NBAS: variants seen among roughly 807,000 people sequenced by gnomAD.
The protein encoded by NBAS is NAG/BC035112 fusion.
Under a neutral mutation model 302.5 loss-of-function variants are expected in NBAS, and 219 were observed. That is an observed-to-expected ratio of 0.72 (90% CI 0.65 to 0.81). NBAS has a LOEUF of 0.81. NBAS is among the 30% of genes least tolerant of loss of function. The pLI is 0.00. For missense variants in NBAS, 2,932 were observed against 2,841.6 expected (o/e 1.03, Z -0.72); for synonymous variants, 1,118 against 1,021.6 (o/e 1.09, Z -1.80).
the NBAS span, among the ~76,000 whole-genome samples, chr2:14,839,120 A>G: frequency 6.6e-6 from 1 of 151,950 alleles, no homozygotes; most frequent in East Asian, 1.9e-4. Flanking sequence ...AATATACAGC[A>G]CCAAGATTAT....
chr2:14,897,739 G>A, the NBAS span, among the ~76,000 whole-genome samples: 1 of 152,084 alleles, frequency 6.6e-6, no homozygotes, highest in South Asian at 2.1e-4. Flanking sequence ...CAGCAAGGAT[G>A]TTGAATTTCT....
the NBAS span, among the ~76,000 whole-genome samples, chr2:14,831,174 G>C: frequency 1.3e-5 from 2 of 148,456 alleles, no homozygotes; most frequent in African/African-American, 2.5e-5. Context: ...TTTTCAAAAT[G>C]AGTCCTAAAC....
chr2:14,876,179 A>G, the NBAS span, among the ~76,000 whole-genome samples: 1 of 152,186 alleles, frequency 6.6e-6, no homozygotes, highest in African/African-American at 2.4e-5. Flanking sequence ...GCAGTTTCAG[A>G]GGCTTCTACT....
At chr2:14,875,991 A>G in the NBAS span, among the ~76,000 whole-genome samples, 1 of 152,254 alleles carries the variant, frequency 6.6e-6, no homozygotes, top group African/African-American at 2.4e-5. Flanking sequence ...TCCAGGATCC[A>G]TCTGGTTTTT....
intron 47 of NBAS, among the ~76,000 whole-genome samples, chr2:15,222,611 T>C (rs1001865704): frequency 6.6e-6 from 1 of 152,242 alleles, no homozygotes; most frequent in Non-Finnish European, 1.5e-5. Flanking sequence ...AATTTGTAGA[T>C]GAGGTAACAA....
At chr2:15,049,653 G>A in the NBAS span, among the ~76,000 whole-genome samples, 1 of 152,238 alleles carries the variant, frequency 6.6e-6, no homozygotes, top group African/African-American at 2.4e-5. Context: ...CAGCCCAGAG[G>A]GGCAGGGGAG....
At chr2:14,977,207 G>A in the NBAS span, among the ~76,000 whole-genome samples, 2 of 152,170 alleles carry the variant, frequency 1.3e-5, no homozygotes, top group African/African-American at 4.8e-5. Flanking sequence ...GCAAGAAAAT[G>A]TGAACTGTAG....
the NBAS span, among the ~76,000 whole-genome samples, chr2:14,845,764 C>T: frequency 6.6e-6 from 1 of 152,082 alleles, no homozygotes; most frequent in Non-Finnish European, 1.5e-5. Context: ...ATACAATTCA[C>T]AGGCTGAAGA....
the NBAS span, among the ~76,000 whole-genome samples, chr2:15,157,081 A>G: frequency 6.6e-6 from 1 of 152,160 alleles, no homozygotes; most frequent in Non-Finnish European, 1.5e-5. Context: ...CAGGAGGTCA[A>G]TGGATCCCAT....
intron 51 of NBAS, among the ~76,000 whole-genome samples, chr2:15,176,116 G>T (rs892075195): frequency 6.6e-6 from 1 of 152,096 alleles, no homozygotes; most frequent in Non-Finnish European, 1.5e-5. Flanking sequence ...GAAAGCAAAA[G>T]TTTTCTATTT....
chr2:15,456,848 A>G (rs1328679737), intron 21 of NBAS, among the ~76,000 whole-genome samples: 1 of 152,168 alleles, frequency 6.6e-6, no homozygotes, highest in Non-Finnish European at 1.5e-5. Context: ...GCCAAGGAAG[A>G]TCAGATAAAG....
At chr2:15,452,412 G>A (rs939756173) in intron 21 of NBAS, among the ~76,000 whole-genome samples, 2 of 142,004 alleles carry the variant, frequency 1.4e-5, no homozygotes, top group African/African-American at 2.7e-5. Context: ...TGGCTAACAC[G>A]GTGAAACCCC....
chr2:15,476,009 T>C (rs1680177382), intron 13 of NBAS, 129 bp from the exon 14 acceptor site: 2 of 690,008 alleles, frequency 2.9e-6, no homozygotes, highest in Middle Eastern at 4.1e-4. Context: ...GTATGTTAAA[T>C]AATAAGAAAA....
intron 44 of NBAS, among the ~76,000 whole-genome samples, chr2:15,244,195 GAACC>G (rs1443780633): frequency 1.3e-5 from 2 of 152,152 alleles, no homozygotes; most frequent in African/African-American, 4.8e-5. Context: ...AAATAAATAA[GAACC>G]TGACTGAATT....
At chr2:15,537,832 T>G (rs1163114288) in intron 7 of NBAS, among the ~76,000 whole-genome samples, 1 of 152,228 alleles carries the variant, frequency 6.6e-6, no homozygotes, top group East Asian at 1.9e-4. Flanking sequence ...ACAACTTTTC[T>G]CCTGCTAATC....
chr2:14,785,822 G>A, the NBAS span, among the ~76,000 whole-genome samples: 7 of 152,170 alleles, frequency 4.6e-5, no homozygotes, highest in Admixed American at 3.3e-4. Flanking sequence ...GTATCAGGAT[G>A]ATGCTGGCCT....
chr2:15,099,364 T>G, the NBAS span, among the ~76,000 whole-genome samples: 1 of 152,094 alleles, frequency 6.6e-6, no homozygotes, highest in South Asian at 2.1e-4. Flanking sequence ...CAGATTATTT[T>G]TATATTTATA....
At chr2:15,013,422 C>T in the NBAS span, among the ~76,000 whole-genome samples, 1 of 152,140 alleles carries the variant, frequency 6.6e-6, no homozygotes, top group Non-Finnish European at 1.5e-5. Context: ...AATACAATCA[C>T]AGGAGTGAGT....
At chr2:15,050,196 CA>C in the NBAS span, among the ~76,000 whole-genome samples, 1 of 152,076 alleles carries the variant, frequency 6.6e-6, no homozygotes. Context: ...ACACTCGAAC[CA>C]AAAAGAAGTT....
Sources: allele counts gnomAD v4.1 joint callset (sites outside exome capture counted in the v4.1 genomes callset), GRCh38; gene constraint gnomAD v4.1.1; transcripts MANE v1.5; gene names NCBI Gene and HGNC (gene_info 2026-07-23, HGNC 2026-07-21).